The following WNK1 variants were observed in gnomAD, a reference collection of about 807,000 sequenced individuals.
WNK1 encodes WNK lysine deficient protein kinase 1.
Under a neutral mutation model 222.8 loss-of-function variants are expected in WNK1, and 38 were observed. That is an observed-to-expected ratio of 0.17 (90% CI 0.13 to 0.22). The LOEUF (loss-of-function observed/expected upper bound fraction) is 0.22. Among genes scored for constraint, WNK1 ranks in the 10% least tolerant of loss-of-function variants. The probability of loss-of-function intolerance (pLI) is 1.00; values close to 1 mark genes in which losing one functional copy is unlikely to be tolerated. For synonymous variants in WNK1, 1,090 were observed against 1,092.9 expected, an observed-to-expected ratio of 1.00 and a Z score of 0.05; for missense variants, 2,348 against 2,918.4, an observed-to-expected ratio of 0.80 and a Z score of 4.50.
Position 910,283 on chromosome 12 carries a change from A to AATCT in WNK1, c.*1500_*1503dup, listed in dbSNP as rs1555165471. The AATCT allele has an allele frequency of 7.8e-5, 10 of 128,890 alleles. No homozygotes were observed. Among genetic ancestry groups the AATCT allele is most frequent in the South Asian group, 7.2e-4 (3 of 4,142 alleles). The allele number at this position is 128,890 out of a possible 1,614,324, so 8.0% of individuals were successfully genotyped here. On this transcript the variant is annotated 3_prime_UTR_variant, in exon 28 of 28. Coordinates refer to ENST00000315939, the MANE Select transcript of WNK1 (RefSeq NM_018979.4). ...GGGGTACTACATTTTGTGGAAAGTT[A>AATCT]ATCTATCTATCTTTCCACATCTGAA...
chr12:775,429 G>A (rs1437718158), intron 1 of WNK1, among the ~76,000 whole-genome samples: 1 of 152,144 alleles, frequency 6.6e-6, no homozygotes, highest in Non-Finnish European at 1.5e-5. Flanking sequence ...CTAACGTAAA[G>A]TTTGATCAGA....
chr12:889,599 A>G (rs1332934728), intron 21 of WNK1, among the ~76,000 whole-genome samples: 1 of 152,140 alleles, frequency 6.6e-6, no homozygotes, highest in South Asian at 2.1e-4. Context: ...CGGGCGGATC[A>G]CAAGGTCAGG....
intron 2 of WNK1, among the ~76,000 whole-genome samples, chr12:825,853 A>G (rs542203996): frequency 2.6e-5 from 4 of 152,248 alleles, no homozygotes; most frequent in Non-Finnish European, 5.9e-5. Context: ...AGGAAAATGT[A>G]GTCTTTTCTA....
intron 1 of WNK1, among the ~76,000 whole-genome samples, chr12:762,816 G>A (rs556792695): frequency 6.9e-6 from 1 of 145,908 alleles, no homozygotes; most frequent in African/African-American, 2.4e-5. Flanking sequence ...GCGCGATCTC[G>A]GCTCACCACA....
rs1953561207 is a variant in WNK1, at chr12:885,409, C to T, written c.4605C>T (p.Ser1535=). 4 of 1,609,180 alleles carry T rather than the reference C, an allele frequency of 2.5e-6. No individual in the cohort carries two copies. In the South Asian group the frequency reaches 4.4e-5, roughly 18 times the overall value. The stretch of plus-strand genomic sequence containing the variant: ...ACTCACTAGATAAGACATCTCATAG[C>T]AGTACAACTGGATTGGCTTTCTCCC... ...SAHSLDKTSH[S]STTGLAFSLS... The change falls in exon 19 of 28, where the codon AGC becomes AGT. Residue 1535 remains serine, a synonymous_variant. Coordinates refer to ENST00000315939, the MANE Select transcript of WNK1 (RefSeq NM_018979.4).
intron 8 of WNK1, among the ~76,000 whole-genome samples, chr12:869,951 C>T (rs1048265449): frequency 6.6e-6 from 1 of 151,836 alleles, no homozygotes. Context: ...CAAATAAAGA[C>T]AATGTAATGA....
At position 867,851 on chromosome 12, in the gene WNK1, T is replaced by C. The variant is rs761173028; in HGVS notation, c.2140-3414T>C. ...ATGAATGTATGAATTACTTGTCTTA[T>C]TCATGTTGATACAGCCTCAGTCCAT... On this transcript the variant is annotated intron_variant, in intron 8 of 27. Transcript: ENST00000315939. The C allele has an allele frequency of 9.9e-6, 16 of 1,613,218 alleles. No individual in the cohort carries two copies. Among genetic ancestry groups the C allele is most frequent in the Non-Finnish European group, 1.3e-5 (15 of 1,179,510 alleles).
intron 1 of WNK1, among the ~76,000 whole-genome samples, chr12:785,441 C>T (rs574707274): frequency 1.2e-4 from 16 of 138,806 alleles, no homozygotes; most frequent in Non-Finnish European, 2.2e-4. Context: ...GCTCTGTCAC[C>T]CAGAGCTGGA....
chr12:763,513 C>T lies in WNK1; in HGVS notation c.759+9189C>T, dbSNP rs781700426. Among the ~76,000 whole-genome samples, 4 of 146,506 alleles carry T rather than the reference C, an allele frequency of 2.7e-5. No homozygotes were observed. In the East Asian group the frequency reaches 5.9e-4, roughly 22 times the overall value. On this transcript the variant is annotated intron_variant, in intron 1 of 27. Coordinates refer to ENST00000315939, the MANE Select transcript of WNK1 (RefSeq NM_018979.4). Reference sequence around the variant, plus strand: ...TTGAGGCAGGAGAATCACTTGAACCCGGGAGGTGGAGGTTGCAGTGAGCCA... The same window carrying T: ...TTGAGGCAGGAGAATCACTTGAACCTGGGAGGTGGAGGTTGCAGTGAGCCA...
intron 26 of WNK1, chr12:906,238 T>TG (rs1156357870): frequency 2.2e-6 from 2 of 893,666 alleles, no homozygotes; most frequent in East Asian, 2.4e-4. Context: ...GGTAAGACAG[T>TG]GGGGGGTAAG....
intron 26 of WNK1, among the ~76,000 whole-genome samples, chr12:904,655 C>T (rs1955550121): frequency 6.6e-6 from 1 of 152,158 alleles, no homozygotes; most frequent in Non-Finnish European, 1.5e-5. Context: ...AAATCATCTC[C>T]TAGTCGGTGC....
At chr12:873,314 A>T (rs1952321039) in intron 9 of WNK1, among the ~76,000 whole-genome samples, 1 of 152,176 alleles carries the variant, frequency 6.6e-6, no homozygotes, top group African/African-American at 2.4e-5. Context: ...AGAGTGTGAG[A>T]AAAGAAGAGA....
intron 4 of WNK1, among the ~76,000 whole-genome samples, chr12:852,928 A>G (rs1412874807): frequency 6.6e-6 from 1 of 152,208 alleles, no homozygotes; most frequent in African/African-American, 2.4e-5. Flanking sequence ...ATACCTGTAT[A>G]TGCTTGCTTC....
intron 1 of WNK1, among the ~76,000 whole-genome samples, chr12:798,479 A>G (rs1945549623): frequency 6.6e-6 from 1 of 152,160 alleles, no homozygotes; most frequent in South Asian, 2.1e-4. Context: ...GGCGTGAGCC[A>G]CCAAGCCCAG....
chr12:774,909 C>A (rs1456602703), intron 1 of WNK1, among the ~76,000 whole-genome samples: 3 of 152,110 alleles, frequency 2.0e-5, no homozygotes, highest in Non-Finnish European at 2.9e-5. Context: ...CAGAATGAAT[C>A]CTTTTATATT....
At chr12:802,168 C>A (rs1381758880) in intron 1 of WNK1, among the ~76,000 whole-genome samples, 2 of 152,164 alleles carry the variant, frequency 1.3e-5, no homozygotes, top group East Asian at 3.9e-4. Context: ...TTAGGTTGTA[C>A]GTGAATGAAC....
At chr12:901,663 A>C in intron 26 of WNK1, 1 of 1,264,138 alleles carries the variant, frequency 7.9e-7, no homozygotes, top group Non-Finnish European at 1.0e-6. Context: ...TGTGTGTAAC[A>C]CCTTTACTCC....
intron 9 of WNK1, among the ~76,000 whole-genome samples, chr12:873,691 T>C (rs956236333): frequency 6.6e-6 from 1 of 152,190 alleles, no homozygotes; most frequent in African/African-American, 2.4e-5. Flanking sequence ...TTTGTTTTAA[T>C]TATTGGAGTT....
At chr12:904,324 C>T in intron 26 of WNK1, 1 of 573,074 alleles carries the variant, frequency 1.7e-6, no homozygotes, top group Non-Finnish European at 2.9e-6. Context: ...CAAGGGCTAC[C>T]AGGTCCTACC....
Sources: allele counts gnomAD v4.1 joint callset (sites outside exome capture counted in the v4.1 genomes callset), GRCh38; gene constraint gnomAD v4.1.1; transcripts MANE v1.5; gene names NCBI Gene and HGNC (gene_info 2026-07-23, HGNC 2026-07-21).